The following COL4A4 variants were observed in gnomAD, a reference collection of about 807,000 sequenced individuals.
COL4A4 encodes collagen alpha-4(IV) chain.
Under a neutral mutation model 192.9 loss-of-function variants are expected in COL4A4, and 105 were observed. That is an observed-to-expected ratio of 0.54 (90% CI 0.46 to 0.64). The LOEUF (loss-of-function observed/expected upper bound fraction) is 0.64. Among genes scored for constraint, COL4A4 ranks in the 30% least tolerant of loss-of-function variants. The pLI is 0.00. For missense variants in COL4A4, 1,967 were observed against 2,169.3 expected (o/e 0.91, Z 1.85); for synonymous variants, 762 against 769.9 (o/e 0.99, Z 0.17).
At chr2:227,140,112 G>T in intron 4 of COL4A4, 49 bp downstream of exon 4, 1 of 1,494,312 alleles carries the variant, frequency 6.7e-7, no homozygotes, top group Non-Finnish European at 9.3e-7. Flanking sequence ...ATATTCACAA[G>T]TTCTCAAAAT....
chr2:227,034,550 T>TA (rs1969154280), intron 37 of COL4A4, among the ~76,000 whole-genome samples: 1 of 151,136 alleles, frequency 6.6e-6, no homozygotes. Context: ...TCTTTTTTTT[T>TA]TTTAATTAAT....
chr2:227,047,729 T>TA (rs1973178139), intron 34 of COL4A4, among the ~76,000 whole-genome samples, 180 bp from the exon 35 acceptor site: 2 of 63,670 alleles, frequency 3.1e-5, no homozygotes, highest in Non-Finnish European at 6.0e-5. Context: ...GCAATTTACA[T>TA]ACCACACACA....
chr2:227,030,439 A>C lies in COL4A4; in HGVS notation c.3973+4T>G, dbSNP rs1462793666. 1.9e-6 allele frequency: 3 copies of C among 1,614,102 alleles called. No homozygotes were observed. The highest frequency in any genetic ancestry group is 2.5e-6 in the Non-Finnish European group (3 of 1,180,036). ...CATATTACTTAACGGAACAACATTC[A>C]TACCTTTCTGGCCATCTTTTCCATC... On this transcript the variant is annotated splice_donor_region_variant and intron_variant, in intron 41 of 47. Coordinates refer to ENST00000396625, the MANE Select transcript of COL4A4 (RefSeq NM_000092.5).
upstream of COL4A4, chr2:227,164,340 C>G (rs970260265): frequency 1.3e-4 from 47 of 356,288 alleles, no homozygotes; most frequent in African/African-American, 1.0e-3. This position sits in a 1 kb window ranked among gnomAD's most constrained non-coding sequence, Gnocchi z 4.8. Flanking sequence ...CGACCGCACC[C>G]CACTTCCCCG....
the COL4A4 span, chr2:226,996,331 T>C: frequency 2.0e-5 from 3 of 152,226 alleles, no homozygotes; most frequent in Non-Finnish European, 4.4e-5. Flanking sequence ...GATCGGTCAC[T>C]AGAGATCTAT....
chr2:227,065,144 C>T (rs62225159), intron 25 of COL4A4, among the ~76,000 whole-genome samples: 32,180 of 152,100 alleles, frequency 0.21, 3,774 homozygotes, highest in African/African-American at 0.32. Flanking sequence ...CCTGGAAAAT[C>T]GGGCCACTCC....
At chr2:227,121,624 G>T (rs1189592161) in intron 4 of COL4A4, among the ~76,000 whole-genome samples, 1 of 149,232 alleles carries the variant, frequency 6.7e-6, no homozygotes, top group Non-Finnish European at 1.5e-5. Context: ...GGAAATGAAA[G>T]GAAAAACAAG....
chr2:227,138,429 C>T (rs1157987926), intron 4 of COL4A4, among the ~76,000 whole-genome samples: 2 of 152,024 alleles, frequency 1.3e-5, no homozygotes, highest in Non-Finnish European at 2.9e-5. Context: ...GTCAGGAGAT[C>T]GAGACCATCC....
At chr2:226,982,035 T>C in the COL4A4 span, among the ~76,000 whole-genome samples, 6 of 152,250 alleles carry the variant, frequency 3.9e-5, no homozygotes, top group African/African-American at 1.4e-4. Context: ...TATCATACTT[T>C]TGATAAGTAT....
chr2:227,081,594 T>C (rs554189832), intron 23 of COL4A4, among the ~76,000 whole-genome samples: 10 of 152,310 alleles, frequency 6.6e-5, no homozygotes, highest in African/African-American at 2.4e-4. Flanking sequence ...CAGCCTGTAG[T>C]GGGGTTTCAC....
intron 31 of COL4A4, among the ~76,000 whole-genome samples, chr2:227,052,889 C>G (rs191156613): frequency 2.0e-5 from 3 of 152,200 alleles, no homozygotes; most frequent in African/African-American, 7.2e-5. Context: ...AAGGGCATAC[C>G]GTACTTCTGC....
intron 14 of COL4A4, 52 bp from the exon 15 acceptor site, chr2:227,102,900 TA>T: frequency 5.1e-6 from 1 of 197,850 alleles, no homozygotes; most frequent in South Asian, 5.5e-5. Context: ...ATTTCAGCAA[TA>T]GGGAAAGCAA....
rs368044748 is a variant in COL4A4 at position 227,007,423 on chromosome 2, A to G, written c.4975T>C (p.Leu1659=). 15 of 1,614,236 alleles carry G rather than the reference A, an allele frequency of 9.3e-6. No homozygotes were observed. In the African/African-American group the frequency reaches 1.3e-4, roughly 14 times the overall value. ...SFWLTTVKAD[L]QFSSAPAPDT... is the part of the protein sequence containing the mutation. ...GGTGCTGGAGCAGAGGAAAACTGCA[A>G]GTCTGCTTTCACCGTTGTGAGCCAG... is the stretch of plus-strand genomic sequence containing the variant. Residue 1659 remains leucine (L), a synonymous_variant, in exon 48 of 48, where the codon TTG becomes CTG. Coordinates refer to ENST00000396625, the MANE Select transcript of COL4A4 (RefSeq NM_000092.5).
chr2:227,143,698 C>G (rs573540007), intron 3 of COL4A4, among the ~76,000 whole-genome samples: 2 of 152,240 alleles, frequency 1.3e-5, no homozygotes, highest in Admixed American at 6.5e-5. Flanking sequence ...ATGTATATAT[C>G]ATAGTATTGT....
At chr2:227,126,353 T>G (rs2062088253) in intron 4 of COL4A4, among the ~76,000 whole-genome samples, 1 of 152,206 alleles carries the variant, frequency 6.6e-6, no homozygotes, top group Non-Finnish European at 1.5e-5. Flanking sequence ...GAATTGTCAT[T>G]CCTAGAACGT....
chr2:226,981,316 G>A, the COL4A4 span, among the ~76,000 whole-genome samples: 1 of 151,734 alleles, frequency 6.6e-6, no homozygotes, highest in East Asian at 1.9e-4. Context: ...GTATACCTAT[G>A]TAACGAGACC....
intron 37 of COL4A4, among the ~76,000 whole-genome samples, chr2:227,038,727 A>G (rs1970207284): frequency 6.6e-6 from 1 of 152,222 alleles, no homozygotes; most frequent in Non-Finnish European, 1.5e-5. Flanking sequence ...AACAGCTTTG[A>G]GTTCAGCAGC....
the COL4A4 span, among the ~76,000 whole-genome samples, chr2:226,984,877 G>C: frequency 6.9e-6 from 1 of 145,158 alleles, no homozygotes; most frequent in Admixed American, 6.9e-5. Context: ...ATGAGAGCTA[G>C]ATGGGCCTTT....
At position 227,041,787 on chromosome 2, in the gene COL4A4, G is replaced by GAA. The variant is rs1291943683; in HGVS notation, c.3505+360_3505+361insTT. On this transcript the variant is annotated intron_variant, in intron 37 of 47. Coordinates refer to ENST00000396625, the MANE Select transcript of COL4A4 (RefSeq NM_000092.5). Reference sequence around the variant, plus strand: ...GGAAGGAAGGAAGGAAGGAAGGAAGGGAAAGAAAGAAAGAAAGGAAGAAAG... The same window carrying GAA: ...GGAAGGAAGGAAGGAAGGAAGGAAGGAAGAAAGAAAGAAAGAAAGGAAGAAAG... 7.9e-3 allele frequency among the ~76,000 whole-genome samples: 347 copies of GAA among 44,028 alleles called. 24 individuals carry two copies. The highest frequency in any genetic ancestry group is 0.057 in the East Asian group (56 of 980). 28.9% of individuals were successfully genotyped at this position (44,028 alleles called of 152,430 possible).
Sources: allele counts gnomAD v4.1 joint callset (sites outside exome capture counted in the v4.1 genomes callset), GRCh38; gene constraint gnomAD v4.1.1; non-coding constraint Gnocchi (gnomAD v3.1); transcripts MANE v1.5; gene names NCBI Gene and HGNC (gene_info 2026-07-23, HGNC 2026-07-21).